The following RFX6 variants were observed in gnomAD, a reference collection of about 807,000 sequenced individuals.
RFX6 encodes the protein regulatory factor X6.
RFX6 carries 50 observed loss-of-function variants against 110.8 expected under a neutral mutation model. The observed-to-expected ratio is 0.45, with a 90% CI of 0.36 to 0.57. RFX6 has a LOEUF of 0.57. Among genes scored for constraint, RFX6 ranks in the 20% least tolerant of loss-of-function variants. The pLI is 0.00. For missense variants in RFX6, 990 were observed against 1,127.0 expected (o/e 0.88, Z 1.74); for synonymous variants, 383 against 411.2 (o/e 0.93, Z 0.83).
intron 3 of RFX6, among the ~76,000 whole-genome samples, chr6:116,881,842 G>T (rs758885852): frequency 6.6e-6 from 1 of 151,972 alleles, no homozygotes; most frequent in African/African-American, 2.4e-5. Context: ...CAAAGATTGA[G>T]GTTAAAATTG....
intron 12 of RFX6, among the ~76,000 whole-genome samples, chr6:116,921,395 G>T (rs1441520992): frequency 6.6e-6 from 1 of 152,084 alleles, no homozygotes; most frequent in African/African-American, 2.4e-5. Context: ...ACCAAGCTTA[G>T]GTTCATTCAT....
chr6:116,925,350 A>T, intron 15 of RFX6, 103 bp from the exon 16 acceptor site: 1 of 1,015,902 alleles, frequency 9.8e-7, no homozygotes, highest in Non-Finnish European at 1.6e-6. Context: ...TTTCCAGATT[A>T]AATACTCAAC....
chr6:116,904,696 C>T (rs1775155803), intron 6 of RFX6, among the ~76,000 whole-genome samples: 1 of 152,126 alleles, frequency 6.6e-6, no homozygotes, highest in South Asian at 2.1e-4. Context: ...TGTCCCTGGC[C>T]ACTACCATTC....
chr6:116,893,012 G>A (rs994555107), intron 4 of RFX6, among the ~76,000 whole-genome samples: 2 of 152,224 alleles, frequency 1.3e-5, no homozygotes, highest in Middle Eastern at 3.4e-3. Flanking sequence ...AACTCAGATG[G>A]TGGTGCTCGG....
chr6:116,911,343 A>C (rs1775345921), intron 7 of RFX6, among the ~76,000 whole-genome samples: 2 of 152,192 alleles, frequency 1.3e-5, no homozygotes, highest in Admixed American at 1.3e-4. Flanking sequence ...TGTCACATAC[A>C]CTTTCTTCAG....
At chr6:116,925,432 C>T (rs755771685) in intron 15 of RFX6, 21 bp from the exon 16 acceptor site, 2 of 1,600,116 alleles carry the variant, frequency 1.2e-6, no homozygotes, top group East Asian at 2.2e-5. Flanking sequence ...TCAAATTTCC[C>T]ATTTTAAAAA....
intron 4 of RFX6, among the ~76,000 whole-genome samples, chr6:116,888,889 T>C (rs339331): frequency 0.29 from 43,383 of 151,934 alleles, 6,395 homozygotes; most frequent in South Asian, 0.38. Flanking sequence ...TCCCCAGTTT[T>C]ATGAGGTTTA....
intron 4 of RFX6, among the ~76,000 whole-genome samples, chr6:116,883,166 A>C (rs79147298): frequency 0.025 from 3,833 of 152,140 alleles, 150 homozygotes; most frequent in African/African-American, 0.086. Context: ...TGCTTCCCTT[A>C]CCACTGATCA....
chr6:116,877,675 C>G (rs1774492607), intron 1 of RFX6, 121 bp from the exon 2 acceptor site: 4 of 1,083,560 alleles, frequency 3.7e-6, no homozygotes, highest in Admixed American at 2.2e-5. Flanking sequence ...GCATAGCCCC[C>G]CTTTCCTCCC....
At chr6:116,893,058 A>G (rs960335384) in intron 4 of RFX6, among the ~76,000 whole-genome samples, 1 of 152,166 alleles carries the variant, frequency 6.6e-6, no homozygotes, top group Admixed American at 6.5e-5. Flanking sequence ...GCTGATGTCC[A>G]CTGGAAATCC....
At chr6:116,887,383 C>T (rs1177035461) in intron 4 of RFX6, among the ~76,000 whole-genome samples, 1 of 152,174 alleles carries the variant, frequency 6.6e-6, no homozygotes, top group African/African-American at 2.4e-5. Context: ...AGTTCCTTCA[C>T]GCTTACCATC....
rs1775771159 is a variant in RFX6, at chr6:116,927,467, A to G, written c.2326A>G (p.Ser776Gly). Reference sequence around the variant, plus strand: ...CAATATGCAGTTTTTAAATACAGGAAGCTTCAATTTCTTGAGCAACACAGG... The same window carrying G: ...CAATATGCAGTTTTTAAATACAGGAGGCTTCAATTTCTTGAGCAACACAGG... Reference protein sequence around the residue: ...SHNMQFLNTGSFNFLSNTGAA... With the variant: ...SHNMQFLNTGGFNFLSNTGAA... Residue 776 changes from serine to glycine, a missense_variant, in exon 17 of 19, where the codon AGC (serine) becomes GGC (glycine). Physicochemically the swap from Ser to Gly is moderately conservative, Grantham distance 56. Around this residue, in one of 5 missense-constraint regions of RFX6, gnomAD observed 438 missense variants for 441.9 expected, o/e 0.99. Transcript: ENST00000332958. 6.2e-7 allele frequency: 1 copy of G among 1,614,142 alleles called. No homozygotes were observed. The highest frequency in any genetic ancestry group is 1.7e-5 in the Admixed American group (1 of 60,026).
intron 4 of RFX6, among the ~76,000 whole-genome samples, chr6:116,884,244 C>T (rs1305514166): frequency 6.6e-6 from 1 of 151,950 alleles, no homozygotes; most frequent in East Asian, 1.9e-4. Context: ...TTCTCTGCAC[C>T]CTGTGGCAGT....
At chr6:116,908,849 G>T (rs1444570780) in intron 6 of RFX6, among the ~76,000 whole-genome samples, 5 of 151,964 alleles carry the variant, frequency 3.3e-5, no homozygotes, top group Admixed American at 2.6e-4. Context: ...ATTTAAACCT[G>T]AGTATGATTG....
chr6:116,931,423 C>A lies in RFX6; in HGVS notation c.2704C>A (p.His902Asn), dbSNP rs1414156655. Residue 902 changes from histidine (H) to asparagine (N), a missense_variant, in exon 19 of 19, where the codon CAT becomes AAT. By Grantham distance (68) the His-to-Asn change is moderately conservative. This residue lies in a region of RFX6 where 438 missense variants were observed against 441.9 expected (regional missense o/e 0.99). Coordinates refer to ENST00000332958, the MANE Select transcript of RFX6 (RefSeq NM_173560.4). Reference protein sequence around the residue: ...QYPAQETLDSHGTSSREMVSS... With the variant: ...QYPAQETLDSNGTSSREMVSS... ...TCCAGCTCAAGAAACCCTGGACTCC[C>A]ATGGAACAAGCAGTAGAGAAATGGT... 1.2e-6 allele frequency: 2 copies of A among 1,612,374 alleles called. No individual in the cohort carries two copies.
At chr6:116,899,340 T>C (rs1461663062) in intron 6 of RFX6, among the ~76,000 whole-genome samples, 1 of 152,134 alleles carries the variant, frequency 6.6e-6, no homozygotes, top group African/African-American at 2.4e-5. Flanking sequence ...GATGAATATG[T>C]TACGAGCTTA....
At chr6:116,909,793 C>G (rs1775294073) in intron 6 of RFX6, among the ~76,000 whole-genome samples, 1 of 114,274 alleles carries the variant, frequency 8.8e-6, no homozygotes, top group South Asian at 2.9e-4. Flanking sequence ...GTCACCCAGG[C>G]TGGAGTGCAG....
Position 116,923,158 on chromosome 6 carries a change from T to C in RFX6, c.1489T>C (p.Leu497=), listed in dbSNP as rs374320514. The C allele has an allele frequency of 8.7e-6, 14 of 1,610,862 alleles. No individual in the cohort carries two copies. Among genetic ancestry groups the C allele is most frequent in the Non-Finnish European group, 1.2e-5 (14 of 1,177,232 alleles). Residue 497 remains leucine (L), a synonymous_variant, in exon 14 of 19, where the codon TTA becomes CTA. Coordinates refer to ENST00000332958, the MANE Select transcript of RFX6 (RefSeq NM_173560.4). ...SLKKRAQDFL[L]KWSFFGARVM... The stretch of plus-strand genomic sequence containing the variant: ...AAAGAAGAGAGCTCAAGACTTTCTG[T>C]TAAAGTGGAGTTTTTTTGGTGCTCG...
chr6:116,922,703 T>A (rs757521855), intron 13 of RFX6, among the ~76,000 whole-genome samples: 8 of 152,136 alleles, frequency 5.3e-5, no homozygotes, highest in Non-Finnish European at 1.0e-4. Flanking sequence ...GTTTGGAGAC[T>A]TTTTTCCTTC....
Sources: gnomAD v4.1 joint callset for allele counts (sites outside exome capture counted in the v4.1 genomes callset) on GRCh38, gnomAD v4.1.1 for gene constraint, gnomAD v4.1.1 regional missense constraint, MANE v1.5 for transcripts, NCBI Gene and HGNC (gene_info 2026-07-23, HGNC 2026-07-21) for gene names.